The following BTN2A2 variants were observed in gnomAD, a reference collection of about 807,000 sequenced individuals.
BTN2A2 encodes butyrophilin subfamily 2 member A2.
BTN2A2 carries 29 observed loss-of-function variants against 34.7 expected under a neutral mutation model. That is an observed-to-expected ratio of 0.84 (90% CI 0.62 to 1.14). The LOEUF (loss-of-function observed/expected upper bound fraction) is 1.14, where lower values mean the gene tolerates loss of function less well. Ranked by LOEUF, BTN2A2 falls within the 50% of genes most tolerant of loss-of-function variation. The probability of loss-of-function intolerance (pLI) is 0.00; values close to 1 mark genes in which losing one functional copy is unlikely to be tolerated. For missense variants in BTN2A2, 612 were observed against 651.5 expected (o/e 0.94, Z 0.66); for synonymous variants, 240 against 253.1 (o/e 0.95, Z 0.49).
chr6:26,383,862 C>CCCTCCT lies in BTN2A2; in HGVS notation c.51_56dup (p.Leu23_Leu24dup). Reference sequence around the variant, plus strand: ...GCTCTGCACTTCTCCCTGCCAGCCTCCCTCCTCCTCCTCCTGCTCCTCCTC... The same window carrying CCCTCCT: ...GCTCTGCACTTCTCCCTGCCAGCCTCCCTCCTCCTCCTCCTCCTCCTGCTCCTCCTC... On this transcript the variant is annotated inframe_insertion, in exon 2 of 8. Coordinates refer to ENST00000356709, the MANE Select transcript of BTN2A2 (RefSeq NM_006995.5). This position sits in a 1 kb window ranked among gnomAD's most constrained non-coding sequence, Gnocchi z 4.4. 6.2e-7 allele frequency: 1 copy of CCCTCCT among 1,612,220 alleles called. No homozygotes were observed. Among genetic ancestry groups the CCCTCCT allele is most frequent in the South Asian group, 1.1e-5 (1 of 91,000 alleles).
chr6:26,384,937 T>C lies in BTN2A2; in HGVS notation c.95-78T>C. ...CCCTGGAGTTTTTTTTGTTTGTTTG[T>C]TTTTGTTTTTTGTTTTTTGTTTTGC... On this transcript the variant is annotated intron_variant, in intron 2 of 7. Coordinates refer to ENST00000356709, the MANE Select transcript of BTN2A2 (RefSeq NM_006995.5). This position sits in a 1 kb window ranked among gnomAD's most constrained non-coding sequence, Gnocchi z 4.0. The C allele has an allele frequency of 7.3e-7, 1 of 1,376,590 alleles. No homozygotes were observed. The highest frequency in any genetic ancestry group is 9.7e-7 in the Non-Finnish European group (1 of 1,029,222). The allele number at this position is 1,376,590 out of a possible 1,614,324, so 85.3% of individuals were successfully genotyped here.
At chr6:26,389,088 C>T (rs1761405136) in intron 4 of BTN2A2, among the ~76,000 whole-genome samples, 1 of 151,814 alleles carries the variant, frequency 6.6e-6, no homozygotes, top group Non-Finnish European at 1.5e-5. Context: ...GCACTCCAGC[C>T]TGGGCAACAG....
rs200659233 is a variant in BTN2A2, at chr6:26,388,681, G to A, written c.724+387G>A. Among the ~76,000 whole-genome samples, 170 of 152,242 alleles carry A rather than the reference G, an allele frequency of 1.1e-3. 2 individuals are homozygous for A. The highest frequency in any genetic ancestry group is 6.8e-3 in the Middle Eastern group (2 of 294). ...TGGGACTTCCCAAAGGACAGAGCTG[G>A]GGAAATTCCCTATCAAGAGACATTC... On this transcript the variant is annotated intron_variant, in intron 4 of 7. Coordinates refer to ENST00000356709, the MANE Select transcript of BTN2A2 (RefSeq NM_006995.5).
At position 26,393,272 on chromosome 6, in the gene BTN2A2, T is replaced by C; in HGVS notation, c.*305T>C. The C allele has an allele frequency of 7.2e-7, 1 of 1,393,420 alleles. No homozygotes were observed. The highest frequency in any genetic ancestry group is 1.4e-5 in the African/African-American group (1 of 69,174). 86.3% of individuals were successfully genotyped at this position (1,393,420 alleles called of 1,614,324 possible). ...GCTGTTGGGCAGCGAACCTACTGTT[T>C]AAAATCAGGATAACCACATTAAGCC... On this transcript the variant is annotated 3_prime_UTR_variant, in exon 8 of 8. Coordinates refer to ENST00000356709, the MANE Select transcript of BTN2A2 (RefSeq NM_006995.5).
At chr6:26,392,222 G>T in intron 7 of BTN2A2, 153 bp from the exon 8 acceptor site, 10 of 1,547,086 alleles carry the variant, frequency 6.5e-6, no homozygotes, top group Non-Finnish European at 8.7e-6. Context: ...TAATTCTCAG[G>T]GTATGAGCTG....
chr6:26,392,461 C>T lies in BTN2A2; in HGVS notation c.1066C>T (p.Gln356Ter), dbSNP rs1561834309. 6.2e-7 allele frequency: 1 copy of T among 1,614,232 alleles called. No homozygotes were observed. The highest frequency in any genetic ancestry group is 8.5e-7 in the Non-Finnish European group (1 of 1,180,040). ...AAGTGTGAGGCGGGGCCCCTACAGG[C>T]AGAGAGTGCCTGACAACCCAGAGAG... ...RRSVRRGPYR[Q>*]RVPDNPERFD... The change falls in exon 8 of 8, where the codon CAG becomes TAG. Residue 356 changes from glutamine (Q) to a stop codon, truncating the protein, a stop_gained. Transcript: ENST00000356709. LOFTEE classifies it low-confidence loss of function (END_TRUNC).
At chr6:26,388,365 G>A (rs1355737797) in intron 4 of BTN2A2, 71 bp downstream of exon 4, 46 of 1,556,920 alleles carry the variant, frequency 3.0e-5, no homozygotes, top group Non-Finnish European at 3.9e-5. Flanking sequence ...AGCCCAGAGC[G>A]GGAATGGGGG....
rs1761045295 is a variant in BTN2A2 at position 26,384,321 on chromosome 6, TA to T, written c.94+407del. On this transcript the variant is annotated intron_variant, in intron 2 of 7. Transcript: ENST00000356709. This position sits in a 1 kb window ranked among gnomAD's most constrained non-coding sequence, Gnocchi z 4.0. ...AGGGCCACCACACTCGACTAAGTTTTATTTTTTGTAGAGACAGGGTCTCACT... is the reference window on the plus strand; with the variant it reads ...AGGGCCACCACACTCGACTAAGTTTTTTTTTTGTAGAGACAGGGTCTCACT... 6.6e-6 allele frequency among the ~76,000 whole-genome samples: 1 copy of T among 152,138 alleles called. No individual in the cohort carries two copies. The highest frequency in any genetic ancestry group is 2.4e-5 in the African/African-American group (1 of 41,432).
intron 4 of BTN2A2, 52 bp from the exon 5 acceptor site, chr6:26,389,953 C>A: frequency 6.4e-7 from 1 of 1,574,266 alleles, no homozygotes; most frequent in South Asian, 1.1e-5. Flanking sequence ...GGGGCACTCT[C>A]ATCCAGATGT....
rs115140109 is a variant in BTN2A2 at position 26,388,577 on chromosome 6, T to C, written c.724+283T>C. Among the ~76,000 whole-genome samples the C allele has an allele frequency of 2.2e-3, 332 of 152,250 alleles. 1 individual carries two copies. Among genetic ancestry groups the C allele is most frequent in the East Asian group, 0.016 (81 of 5,184 alleles). On this transcript the variant is annotated intron_variant, in intron 4 of 7. Transcript: ENST00000356709. ...AGTTGTAAAATATTAAGGACAACCA[T>C]CAAACCTGGAGAGTAGTGTGGGTGG...
At position 26,392,640 on chromosome 6, in the gene BTN2A2, T is replaced by C; in HGVS notation, c.1245T>C (p.Asn415=). 1 of 1,614,206 alleles carries C rather than the reference T, an allele frequency of 6.2e-7. No homozygotes were observed. Among genetic ancestry groups the C allele is most frequent in the Non-Finnish European group, 8.5e-7 (1 of 1,180,030 alleles). The change falls in exon 8 of 8, where the codon AAT becomes AAC. Residue 415 remains asparagine (N), a synonymous_variant. Transcript: ENST00000356709. ...RKGEVLLIPQ[N]GFWTLEMFGN... ...GGGAGGTCCTGCTGATTCCTCAGAATGGCTTCTGGACCCTGGAGATGTTTG... is the reference window on the plus strand; with the variant it reads ...GGGAGGTCCTGCTGATTCCTCAGAACGGCTTCTGGACCCTGGAGATGTTTG...
At position 26,392,862 on chromosome 6, in the gene BTN2A2, T is replaced by G. The variant is rs376227483; in HGVS notation, c.1467T>G (p.Asp489Glu). 13 of 1,614,068 alleles carry G rather than the reference T, an allele frequency of 8.1e-6. No homozygotes were observed. The highest frequency in any genetic ancestry group is 4.0e-5 in the African/African-American group (3 of 74,914). Residue 489 changes from aspartate (D) to glutamate (E), a missense_variant, in exon 8 of 8, where the codon GAT becomes GAG. Physicochemically the swap from Asp to Glu is conservative, Grantham distance 45 (BLOSUM62 2). Coordinates refer to ENST00000356709, the MANE Select transcript of BTN2A2 (RefSeq NM_006995.5). Reference protein sequence around the residue: ...PVRPFFRLGSDDSPIFICPAL... With the variant: ...PVRPFFRLGSEDSPIFICPAL... ...GGCCCTTCTTCAGGTTAGGGTCTGA[T>G]GACAGCCCCATCTTCATCTGCCCTG... is the stretch of plus-strand genomic sequence containing the variant.
chr6:26,389,140 C>T (rs185898141), intron 4 of BTN2A2, among the ~76,000 whole-genome samples: 13 of 151,382 alleles, frequency 8.6e-5, no homozygotes, highest in Admixed American at 2.6e-4. Context: ...AAAAAGGGAG[C>T]GCGAGAGAGA....
rs375971811 is a variant in BTN2A2, at chr6:26,392,526, C to T, written c.1131C>T (p.Phe377=). 51 of 1,614,066 alleles carry T rather than the reference C, an allele frequency of 3.2e-5. No homozygotes were observed. The highest frequency in any genetic ancestry group is 1.6e-4 in the Middle Eastern group (1 of 6,084). The part of the protein sequence containing the change: ...SQPCVLGWES[F]ASGKHYWEVE... ...CTTGTGTCCTGGGATGGGAGAGCTT[C>T]GCCTCAGGGAAACATTACTGGGAGG... Residue 377 remains phenylalanine, a synonymous_variant, in exon 8 of 8, where the codon TTC becomes TTT. Transcript: ENST00000356709.
In BTN2A2 at chr6:26,383,541, A is replaced by T. The variant is rs1760992159; in HGVS notation, c.-30-251A>T. The T allele has an allele frequency of 2.4e-6, 1 of 418,190 alleles. No individual in the cohort carries two copies. Among genetic ancestry groups the T allele is most frequent in the Non-Finnish European group, 4.3e-6 (1 of 231,772 alleles). 25.9% of individuals were successfully genotyped at this position (418,190 alleles called of 1,614,324 possible). ...GTGTGAAAGAATCCAGGGACAACTG[A>T]AGAAACCGGACTGTGGCCCGAGAAG... is the stretch of plus-strand genomic sequence containing the variant. On this transcript the variant is annotated intron_variant, in intron 1 of 7. Coordinates refer to ENST00000356709, the MANE Select transcript of BTN2A2 (RefSeq NM_006995.5). The surrounding 1 kb of genome is among the most constrained non-coding windows in gnomAD (Gnocchi z 4.4).
At position 26,392,387 on chromosome 6, in the gene BTN2A2, T is replaced by C. The variant is rs772606864; in HGVS notation, c.992T>C (p.Leu331Pro). The change falls in exon 8 of 8, where the codon CTG becomes CCG. Residue 331 changes from leucine (L) to proline (P), a missense_variant. Transcript: ENST00000356709. ...RTFLHAADVVLDPDTAHPELF... is the reference protein window; with the variant it reads ...RTFLHAADVVPDPDTAHPELF... ...ACTTCCTCTGCAGCTGATGTGGTCC[T>C]GGATCCAGACACCGCTCATCCCGAG... 6.2e-6 allele frequency: 10 copies of C among 1,614,048 alleles called. No homozygotes were observed. In the East Asian group the frequency reaches 6.7e-5, roughly 11 times the overall value.
Position 26,385,152 on chromosome 6 carries a change from G to T in BTN2A2, c.232G>T (p.Ala78Ser), listed in dbSNP as rs759388758. Reference protein sequence around the residue: ...VRWFRSQFSPAVFVYKGGRER... With the variant: ...VRWFRSQFSPSVFVYKGGRER... ...GTGGTTCCGGTCTCAGTTCTCCCCC[G>T]CAGTGTTTGTGTATAAGGGTGGGAG... Residue 78 changes from alanine (A) to serine (S), a missense_variant, in exon 3 of 8, where the codon GCA becomes TCA. By Grantham distance (99) the Ala-to-Ser change is moderately conservative. Transcript: ENST00000356709. 4 of 1,614,030 alleles carry T rather than the reference G, an allele frequency of 2.5e-6. No homozygotes were observed. The highest frequency in any genetic ancestry group is 3.4e-6 in the Non-Finnish European group (4 of 1,180,018).
Position 26,384,956 on chromosome 6 carries a change from G to T in BTN2A2, c.95-59G>T. On this transcript the variant is annotated intron_variant, in intron 2 of 7. Transcript: ENST00000356709. The surrounding 1 kb of genome is among the most constrained non-coding windows in gnomAD (Gnocchi z 4.0). Reference sequence around the variant, plus strand: ...TGTTTGTTTTTGTTTTTTGTTTTTTGTTTTGCCTTAGAGTTGTGATAACTG... The same window carrying T: ...TGTTTGTTTTTGTTTTTTGTTTTTTTTTTTGCCTTAGAGTTGTGATAACTG... The T allele has an allele frequency of 1.5e-5, 22 of 1,499,600 alleles. No homozygotes were observed. The highest frequency in any genetic ancestry group is 4.6e-5 in the East Asian group (2 of 43,720). The allele number at this position is 1,499,600 out of a possible 1,614,324, so 92.9% of individuals were successfully genotyped here.
At position 26,394,390 on chromosome 6, in the gene BTN2A2, A is replaced by AAGTG. The variant is rs1165532662; in HGVS notation, c.*1427_*1430dup. 1 of 683,558 alleles carries AAGTG rather than the reference A, an allele frequency of 1.5e-6. No individual in the cohort carries two copies. Among genetic ancestry groups the AAGTG allele is most frequent in the Non-Finnish European group, 2.7e-6 (1 of 374,636 alleles). 42.3% of individuals were successfully genotyped at this position (683,558 alleles called of 1,614,324 possible). On this transcript the variant is annotated 3_prime_UTR_variant, in exon 8 of 8. Transcript: ENST00000356709. Reference sequence around the variant, plus strand: ...GAGTGTGTTTCCAGAAGAGATTGGCAAGTGAGTCAGTGGGAAATTCTCTCC... The same window carrying AAGTG: ...GAGTGTGTTTCCAGAAGAGATTGGCAAGTGAGTGAGTCAGTGGGAAATTCTCTCC...
Sources: gnomAD v4.1 joint callset for allele counts (sites outside exome capture counted in the v4.1 genomes callset) on GRCh38, gnomAD v4.1.1 for gene constraint, Gnocchi (gnomAD v3.1) non-coding constraint, MANE v1.5 for transcripts, NCBI Gene and HGNC (gene_info 2026-07-23, HGNC 2026-07-21) for gene names.